Variants in TYSND1 observed in about 807,000 individuals in gnomAD.
TYSND1 encodes peroxisomal leader peptide-processing protease.
Under a neutral mutation model 37.2 loss-of-function variants are expected in TYSND1, and 30 were observed. That is an observed-to-expected ratio of 0.81 (90% CI 0.60 to 1.09). The LOEUF is 1.09. Among genes scored for constraint, TYSND1 ranks in the 50% least tolerant of loss-of-function variants. The probability of loss-of-function intolerance (pLI) is 0.00; values close to 1 mark genes in which losing one functional copy is unlikely to be tolerated. For missense variants in TYSND1, 806 were observed against 817.4 expected (o/e 0.99, Z 0.17); for synonymous variants, 364 against 383.8 (o/e 0.95, Z 0.60).
intron 2 of TYSND1, among the ~76,000 whole-genome samples, chr10:70,143,125 T>C (rs1273070817): frequency 6.6e-6 from 1 of 152,208 alleles, no homozygotes; most frequent in African/African-American, 2.4e-5. Flanking sequence ...GGCGGGGCAG[T>C]GACTTTTAGG....
chr10:70,139,980 T>C lies in TYSND1; in HGVS notation c.1645A>G (p.Arg549Gly), dbSNP rs775355576. The C allele has an allele frequency of 1.2e-6, 2 of 1,614,140 alleles. No individual in the cohort carries two copies. Among genetic ancestry groups the C allele is most frequent in the Admixed American group, 1.7e-5 (1 of 60,028 alleles). Residue 549 changes from arginine (R) to glycine (G), a missense_variant, in exon 4 of 4, where the codon AGG becomes GGG. Arg to Gly is a moderately radical substitution (Grantham distance 125, BLOSUM62 -2). This residue lies in a region of TYSND1 where 708 missense variants were observed against 705.4 expected (regional missense o/e 1.00). Transcript: ENST00000287078. ...GGCCGCTGCAACCGCCACACCACCC[T>C]GACTGGCTCAGCAGCGCGGTCCAGC... ...RELDRAAEPV[R>G]VVWRLQRPLA... is the part of the protein sequence containing the mutation.
chr10:70,144,869 A>T, intron 1 of TYSND1: 1 of 837,104 alleles, frequency 1.2e-6, no homozygotes, highest in Non-Finnish European at 1.4e-6. Flanking sequence ...GGCTGGGCTG[A>T]ACCATGTACA....
Position 70,142,690 on chromosome 10 carries a change from G to A in TYSND1, c.1461C>T (p.Ser487=). The A allele has an allele frequency of 1.3e-6, 2 of 1,597,586 alleles. No individual in the cohort carries two copies. The highest frequency in any genetic ancestry group is 1.7e-6 in the Non-Finnish European group (2 of 1,171,852). The change falls in exon 3 of 4, where the codon TCC becomes TCT. Residue 487 remains serine (S), a synonymous_variant. Coordinates refer to ENST00000287078, the MANE Select transcript of TYSND1 (RefSeq NM_173555.4). Reference sequence around the variant, plus strand: ...TACCAAGGAGGTTTCCTGAGTGGTTGGAGAAGAGGGGTCCCCCACTGGAGC... The same window carrying A: ...TACCAAGGAGGTTTCCTGAGTGGTTAGAGAAGAGGGGTCCCCCACTGGAGC... The part of the protein sequence containing the change: ...HSGSSGGPLF[S]NHSGNLLGII...
rs145700158 is a variant in TYSND1 at position 70,146,249 on chromosome 10, A to G, written c.338T>C (p.Leu113Pro). 30,603 of 1,482,420 alleles carry G rather than the reference A, an allele frequency of 0.021. 393 individuals carry two copies. The highest frequency in any genetic ancestry group is 0.03 in the Middle Eastern group (140 of 4,600). 91.8% of individuals were successfully genotyped at this position (1,482,420 alleles called of 1,614,324 possible). A position where few individuals can be genotyped will look rare whatever the true frequency, so the allele number is the denominator to read the frequency against. Residue 113 changes from leucine to proline, a missense_variant, in exon 1 of 4, where the codon CTC becomes CCC. Coordinates refer to ENST00000287078, the MANE Select transcript of TYSND1 (RefSeq NM_173555.4). ...PGLCTPQCASLEPGPPAPSRG... is the reference protein window; with the variant it reads ...PGLCTPQCASPEPGPPAPSRG... ...GGACGGGGCAGGTGGGCCGGGCTCG[A>G]GGCTCGCGCACTGGGGCGTGCACAG...
Position 70,145,865 on chromosome 10 carries a change from C to A in TYSND1, c.722G>T (p.Gly241Val). ...TGGGCCGGCCACGTTGCTGAGCACC[C>A]CGCAGCTCAGCGTGTTGAGAAAGAT... ...PDIFLNTLSC[G>V]VLSNVAGPLL... Residue 241 changes from glycine (G) to valine (V), a missense_variant, in exon 1 of 4, where the codon GGG (glycine) becomes GTG (valine). This residue lies in a region of TYSND1 where 708 missense variants were observed against 705.4 expected (regional missense o/e 1.00). Transcript: ENST00000287078. The A allele has an allele frequency of 6.5e-7, 1 of 1,545,544 alleles. No homozygotes were observed. The highest frequency in any genetic ancestry group is 8.7e-7 in the Non-Finnish European group (1 of 1,145,094).
In TYSND1 at chr10:70,139,721, G is replaced by A. The variant is rs941514317; in HGVS notation, c.*203C>T. On this transcript the variant is annotated 3_prime_UTR_variant, in exon 4 of 4. Coordinates refer to ENST00000287078, the MANE Select transcript of TYSND1 (RefSeq NM_173555.4). ...GGGGCTCAAGAAAGCACCCCAAAAC[G>A]GGCTGCCAGGTTAAGGATCCATGGG... The A allele has an allele frequency of 1.6e-5, 9 of 558,726 alleles. No homozygotes were observed. The highest frequency in any genetic ancestry group is 1.1e-4 in the African/African-American group (6 of 52,584). The allele number at this position is 558,726 out of a possible 1,614,324, so 34.6% of individuals were successfully genotyped here.
intron 1 of TYSND1, among the ~76,000 whole-genome samples, 185 bp downstream of exon 1, chr10:70,145,236 C>A (rs1032874689): frequency 3.9e-5 from 6 of 152,168 alleles, no homozygotes; most frequent in Admixed American, 6.5e-5. Flanking sequence ...ACACCTTGCC[C>A]CAGATTCTCC....
rs909919806 is a variant in TYSND1 at position 70,138,962 on chromosome 10, T to A, written c.*962A>T. The A allele has an allele frequency of 1.3e-5, 2 of 151,868 alleles. No individual in the cohort carries two copies. Among genetic ancestry groups the A allele is most frequent in the African/African-American group, 4.8e-5 (2 of 41,324 alleles). 9.4% of individuals were successfully genotyped at this position (151,868 alleles called of 1,614,324 possible). ...AAAATAAAAAATTAGCCAGGCGTGG[T>A]GGTGCGCGACTGTAGTCCCAGCTAT... On this transcript the variant is annotated 3_prime_UTR_variant, in exon 4 of 4. Coordinates refer to ENST00000287078, the MANE Select transcript of TYSND1 (RefSeq NM_173555.4).
chr10:70,144,608 T>G (rs548335458), intron 1 of TYSND1: 2 of 986,340 alleles, frequency 2.0e-6, no homozygotes, highest in African/African-American at 3.5e-5. Flanking sequence ...GGCGTCCTAC[T>G]ACACACTCTG....
chr10:70,139,770 G>T lies in TYSND1; in HGVS notation c.*154C>A. On this transcript the variant is annotated 3_prime_UTR_variant, in exon 4 of 4. Coordinates refer to ENST00000287078, the MANE Select transcript of TYSND1 (RefSeq NM_173555.4). ...GGGCTGAAGAGAAGTTTGCCCCAGA[G>T]CCCAAAGCCCAGTCTGCAGTCAGTG... 1.4e-6 allele frequency: 1 copy of T among 725,194 alleles called. No homozygotes were observed. The highest frequency in any genetic ancestry group is 2.2e-6 in the Non-Finnish European group (1 of 450,846). 44.9% of individuals were successfully genotyped at this position (725,194 alleles called of 1,614,324 possible). A position where few individuals can be genotyped will look rare whatever the true frequency, so the allele number is the denominator to read the frequency against.
At position 70,139,911 on chromosome 10, in the gene TYSND1, T is replaced by G; in HGVS notation, c.*13A>C. On this transcript the variant is annotated 3_prime_UTR_variant, in exon 4 of 4. Transcript: ENST00000287078. ...AAAAGGTCACTCTTCTTTCCAAAGG[T>G]GGTAACACAGCCTCAGAGCTTGCTC... The G allele has an allele frequency of 1.2e-6, 2 of 1,608,444 alleles. No homozygotes were observed. Among genetic ancestry groups the G allele is most frequent in the Non-Finnish European group, 1.7e-6 (2 of 1,177,394 alleles).
intron 3 of TYSND1, among the ~76,000 whole-genome samples, chr10:70,141,190 C>T (rs113329699): frequency 0.035 from 5,282 of 151,442 alleles, 116 homozygotes; most frequent in East Asian, 0.057. Flanking sequence ...ATCCTCCCGC[C>T]CTGGCCTCCA....
In TYSND1 at chr10:70,139,910, G is replaced by T. The variant is rs753388027; in HGVS notation, c.*14C>A. On this transcript the variant is annotated 3_prime_UTR_variant, in exon 4 of 4. Coordinates refer to ENST00000287078, the MANE Select transcript of TYSND1 (RefSeq NM_173555.4). ...AAAAAGGTCACTCTTCTTTCCAAAGGTGGTAACACAGCCTCAGAGCTTGCT... is the reference window on the plus strand; with the variant it reads ...AAAAAGGTCACTCTTCTTTCCAAAGTTGGTAACACAGCCTCAGAGCTTGCT... The T allele has an allele frequency of 2.5e-6, 4 of 1,608,490 alleles. No homozygotes were observed. In the Admixed American group the frequency reaches 6.7e-5, roughly 27 times the overall value.
intron 3 of TYSND1, 133 bp from the exon 4 acceptor site, chr10:70,140,274 C>T (rs1213323881): frequency 1.8e-5 from 12 of 662,490 alleles, no homozygotes; most frequent in African/African-American, 5.5e-5. Context: ...TGGTGACAGA[C>T]GCTGAGCTTC....
At chr10:70,144,308 G>C in intron 1 of TYSND1, 1 of 345,250 alleles carries the variant, frequency 2.9e-6, no homozygotes, top group Non-Finnish European at 4.5e-6. Flanking sequence ...CTCCATTTTA[G>C]GTGGTATAAC....
In TYSND1 at chr10:70,146,182, C is replaced by T. The variant is rs1474685269; in HGVS notation, c.405G>A (p.Leu135=). Residue 135 remains leucine, a synonymous_variant, in exon 1 of 4, where the codon CTG becomes CTA. Transcript: ENST00000287078. ...PLQPRLPAEL[L]LLLSCPAFWA... The stretch of plus-strand genomic sequence containing the variant: ...AGAAGGCCGGGCAGCTCAGCAGCAG[C>T]AGCAGCTCAGCAGGAAGCCGGGGCT... The T allele has an allele frequency of 6.5e-7, 1 of 1,539,082 alleles. No homozygotes were observed. The highest frequency in any genetic ancestry group is 2.0e-5 in the Admixed American group (1 of 51,084).
chr10:70,142,574 C>G (rs967188960), intron 3 of TYSND1, 94 bp downstream of exon 3: 42 of 1,217,160 alleles, frequency 3.5e-5, no homozygotes, highest in African/African-American at 4.6e-5. Context: ...TTTTCCCAGA[C>G]AGAGGGTGCA....
rs1839191210 is a variant in TYSND1, at chr10:70,145,697, C to G, written c.890G>C (p.Cys297Ser). Reference sequence around the variant, plus strand: ...GGCGCGGAAAAGGGGGGCGGCGGCGCAGAGCAGCGTGAAGCCCACCCATTC... The same window carrying G: ...GGCGCGGAAAAGGGGGGCGGCGGCGGAGAGCAGCGTGAAGCCCACCCATTC... ...AGEWVGFTLLCAAAPLFRAAR... is the reference protein window; with the variant it reads ...AGEWVGFTLLSAAAPLFRAAR... Residue 297 changes from cysteine to serine, a missense_variant, in exon 1 of 4, where the codon TGC becomes TCC. Transcript: ENST00000287078. The G allele has an allele frequency of 7.1e-7, 1 of 1,400,952 alleles. No homozygotes were observed. 86.8% of individuals were successfully genotyped at this position (1,400,952 alleles called of 1,614,324 possible).
At position 70,140,905 on chromosome 10, in the gene TYSND1, C is replaced by G. The variant is rs527288936; in HGVS notation, c.1484-764G>C. Among the ~76,000 whole-genome samples, 40 of 152,258 alleles carry G rather than the reference C, an allele frequency of 2.6e-4. 1 individual carries two copies. In the South Asian group the frequency reaches 8.1e-3, roughly 31 times the overall value. On this transcript the variant is annotated intron_variant, in intron 3 of 3. Coordinates refer to ENST00000287078, the MANE Select transcript of TYSND1 (RefSeq NM_173555.4). ...TCTCCTCCAATCTGGGTCAGTTCCT[C>G]AGTCTTTCCTTATCTTTCGTGGCCT... is the stretch of plus-strand genomic sequence containing the variant.
Sources: allele counts gnomAD v4.1 joint callset (sites outside exome capture counted in the v4.1 genomes callset), GRCh38; gene constraint gnomAD v4.1.1; regional missense constraint gnomAD v4.1.1; transcripts MANE v1.5; gene names NCBI Gene and HGNC (gene_info 2026-07-23, HGNC 2026-07-21).